LAMA4: variants seen among roughly 807,000 people sequenced by gnomAD.
LAMA4 encodes laminin subunit alpha-4.
LAMA4 carries 127 observed loss-of-function variants against 207.1 expected under a neutral mutation model. That is an observed-to-expected ratio of 0.61 (90% CI 0.53 to 0.71). The LOEUF (loss-of-function observed/expected upper bound fraction) is 0.71. LAMA4 is among the 30% of genes least tolerant of loss of function. The pLI is 0.00. For synonymous variants in LAMA4, 761 were observed against 816.0 expected, an observed-to-expected ratio of 0.93 and a Z score of 1.15; for missense variants, 2,093 against 2,246.5, an observed-to-expected ratio of 0.93 and a Z score of 1.38.
chr6:112,241,116 AAT>A (rs1344034886), intron 2 of LAMA4, among the ~76,000 whole-genome samples: 1 of 105,272 alleles, frequency 9.5e-6, no homozygotes, highest in Non-Finnish European at 2.1e-5. Context: ...TATATATATG[AAT>A]ATATATATGA....
At chr6:112,212,509 C>T (rs1554357031) in intron 3 of LAMA4, among the ~76,000 whole-genome samples, 1 of 152,192 alleles carries the variant, frequency 6.6e-6, no homozygotes, top group African/African-American at 2.4e-5. Context: ...TTGGCTTGAG[C>T]CACCGTGCCC....
chr6:112,128,952 TA>T lies in LAMA4; in HGVS notation c.4256del (p.Leu1419TyrfsTer26), dbSNP rs1554328549. On this transcript the variant is annotated frameshift_variant, in exon 31 of 39. Transcript: ENST00000230538. LOFTEE classifies it high-confidence loss of function. ...TATTCTGACTTGCTTTAGGCTTGGATAAATTTTTTCCTTTTTTATGGAGGAG... is the reference window on the plus strand; with the variant it reads ...TATTCTGACTTGCTTTAGGCTTGGATAATTTTTTCCTTTTTTATGGAGGAG... ...LFLLHKKGKN[L>X]SKPKASQNKK... is the part of the protein sequence containing the mutation. The T allele has an allele frequency of 1.9e-6, 3 of 1,613,512 alleles. No homozygotes were observed. Among genetic ancestry groups the T allele is most frequent in the Middle Eastern group, 1.7e-4 (1 of 6,056 alleles).
In LAMA4 at chr6:112,120,370, A is replaced by G; in HGVS notation, c.4578T>C (p.His1526=). 1.9e-6 allele frequency: 3 copies of G among 1,613,700 alleles called. No individual in the cohort carries two copies. Among genetic ancestry groups the G allele is most frequent in the Non-Finnish European group, 2.5e-6 (3 of 1,179,636 alleles). The change falls in exon 33 of 39, where the codon CAT becomes CAC. Residue 1526 remains histidine (H), a synonymous_variant. Coordinates refer to ENST00000230538, the MANE Select transcript of LAMA4 (RefSeq NM_001105206.3). ...CATTAAACATGTAAACCAAGCGGCCATGGGCCAAAAATAGAGTCATGAAGT... is the reference window on the plus strand; with the variant it reads ...CATTAAACATGTAAACCAAGCGGCCGTGGGCCAAAAATAGAGTCATGAAGT... ...ENDFMTLFLA[H]GRLVYMFNVG... is the part of the protein sequence containing the mutation.
chr6:112,216,482 C>A lies in LAMA4; in HGVS notation c.196-13G>T. ...CAGCATTGCATTTCTGCAACAGACA[C>A]ACCAAACCATTTTGATTATTGAAAA... On this transcript the variant is annotated splice_polypyrimidine_tract_variant and intron_variant, in intron 2 of 38. Coordinates refer to ENST00000230538, the MANE Select transcript of LAMA4 (RefSeq NM_001105206.3). 1 of 1,551,982 alleles carries A rather than the reference C, an allele frequency of 6.4e-7. No individual in the cohort carries two copies.
chr6:112,119,811 C>A (rs1554325517), intron 33 of LAMA4, among the ~76,000 whole-genome samples: 1 of 152,196 alleles, frequency 6.6e-6, no homozygotes, highest in Non-Finnish European at 1.5e-5. Flanking sequence ...CCCAGTTAAA[C>A]TTCTTGTGAT....
rs149075202 is a variant in LAMA4 at position 112,214,476 on chromosome 6, A to G, written c.297+1892T>C. ...GGAATGTGGGTGATTTTTACTTTGT[A>G]CTTCAAGCCATTTATAATTAAAATA... On this transcript the variant is annotated intron_variant, in intron 3 of 38. Transcript: ENST00000230538. 1.6e-3 allele frequency among the ~76,000 whole-genome samples: 240 copies of G among 152,260 alleles called. 1 individual carries two copies. The highest frequency in any genetic ancestry group is 4.7e-3 in the African/African-American group (194 of 41,548).
chr6:112,129,981 A>AT lies in LAMA4; in HGVS notation c.4027dup (p.Ile1343AsnfsTer8). The AT allele has an allele frequency of 6.2e-7, 1 of 1,613,192 alleles. No homozygotes were observed. Among genetic ancestry groups the AT allele is most frequent in the East Asian group, 2.2e-5 (1 of 44,846 alleles). ...CTTTTCACTTGCTTGTGTCTGTTCT[A>AT]TTTTCCCTTTGGTAGGATTCTTACT... is the stretch of plus-strand genomic sequence containing the variant. On this transcript the variant is annotated frameshift_variant, in exon 30 of 39. Transcript: ENST00000230538. LOFTEE classifies it high-confidence loss of function.
intron 10 of LAMA4, among the ~76,000 whole-genome samples, chr6:112,177,389 T>C (rs1190347897): frequency 5.3e-5 from 8 of 152,160 alleles, no homozygotes; most frequent in African/African-American, 1.9e-4. Flanking sequence ...TATAGTATAA[T>C]AAAAACTATG....
rs1554336705 is a variant in LAMA4 at position 112,155,548 on chromosome 6, T to G, written c.1959+17A>C. 3.1e-6 allele frequency: 5 copies of G among 1,614,084 alleles called. No homozygotes were observed. Among genetic ancestry groups the G allele is most frequent in the Non-Finnish European group, 4.2e-6 (5 of 1,179,938 alleles). On this transcript the variant is annotated intron_variant, in intron 15 of 38. Transcript: ENST00000230538. ...GTGGGAAAGGCAAGGTATAAAGAAC[T>G]TTCAGGGAATACTCACATCATAAAT...
At chr6:112,142,854 C>A (rs1409633072) in intron 19 of LAMA4, among the ~76,000 whole-genome samples, 3 of 152,158 alleles carry the variant, frequency 2.0e-5, no homozygotes, top group African/African-American at 7.2e-5. Context: ...AGTCACTTAA[C>A]CTTCAGTTTC....
At chr6:112,190,672 A>C (rs529864153) in intron 6 of LAMA4, among the ~76,000 whole-genome samples, 26 of 152,362 alleles carry the variant, frequency 1.7e-4, no homozygotes, top group African/African-American at 5.5e-4. Flanking sequence ...GTCTAACTGA[A>C]GCCTAACCAG....
chr6:112,182,146 T>C (rs1050206657), intron 9 of LAMA4, among the ~76,000 whole-genome samples: 2 of 151,376 alleles, frequency 1.3e-5, no homozygotes, highest in Admixed American at 1.3e-4. Flanking sequence ...TATATACAGA[T>C]GTTCAATAAT....
chr6:112,134,993 C>G (rs9320395), intron 25 of LAMA4, among the ~76,000 whole-genome samples: 34,989 of 151,830 alleles, frequency 0.23, 4,432 homozygotes, highest in East Asian at 0.4. Flanking sequence ...AAGAACTACA[C>G]ATATTTTATG....
At chr6:112,139,701 G>C in intron 23 of LAMA4, 51 bp downstream of exon 23, 1 of 1,599,462 alleles carries the variant, frequency 6.3e-7, no homozygotes, top group East Asian at 2.2e-5. Context: ...TGTTCTATCT[G>C]CTGCTCTTGC....
At position 112,109,672 on chromosome 6, in the gene LAMA4, C is replaced by G. The variant is rs1462087475; in HGVS notation, c.5327-90G>C. The G allele has an allele frequency of 1.4e-5, 18 of 1,274,482 alleles. 1 individual carries two copies. The highest frequency in any genetic ancestry group is 3.8e-4 in the Middle Eastern group (2 of 5,302). The allele number at this position is 1,274,482 out of a possible 1,614,324, so 78.9% of individuals were successfully genotyped here. On this transcript the variant is annotated intron_variant, in intron 38 of 38. Coordinates refer to ENST00000230538, the MANE Select transcript of LAMA4 (RefSeq NM_001105206.3). ...CCTGGTAAAAGTATACATATTTGCT[C>G]ATATCATCAATATGATTTACATTTC... is the stretch of plus-strand genomic sequence containing the variant.
At chr6:112,220,711 C>T (rs1331127484) in intron 2 of LAMA4, among the ~76,000 whole-genome samples, 1 of 152,122 alleles carries the variant, frequency 6.6e-6, no homozygotes, top group Non-Finnish European at 1.5e-5. Flanking sequence ...GCACTAGAGT[C>T]ATACCAACAA....
At chr6:112,191,930 A>C (rs1783145171) in intron 5 of LAMA4, 80 bp from the exon 6 acceptor site, 1 of 1,067,466 alleles carries the variant, frequency 9.4e-7, no homozygotes, top group Non-Finnish European at 1.4e-6. Context: ...CAAAGAAGAA[A>C]GATGTAGTGG....
chr6:112,114,016 A>T, intron 38 of LAMA4, 60 bp downstream of exon 38: 1 of 1,586,746 alleles, frequency 6.3e-7, no homozygotes, highest in Non-Finnish European at 8.7e-7. Context: ...ATTCTACAAT[A>T]ACAATTGTGA....
intron 3 of LAMA4, 121 bp from the exon 4 acceptor site, chr6:112,207,266 G>A: frequency 1.9e-6 from 2 of 1,038,974 alleles, no homozygotes; most frequent in Non-Finnish European, 2.9e-6. Flanking sequence ...AGCACAGACT[G>A]TATGCGGCAG....
Sources: gnomAD v4.1 joint callset for allele counts (sites outside exome capture counted in the v4.1 genomes callset) on GRCh38, gnomAD v4.1.1 for gene constraint, MANE v1.5 for transcripts, NCBI Gene and HGNC (gene_info 2026-07-23, HGNC 2026-07-21) for gene names.